Variants in PKHD1 observed in about 807,000 individuals in gnomAD.
The protein encoded by PKHD1 is fibrocystin.
A neutral mutation model predicts 412.0 loss-of-function variants in PKHD1; 291 were observed. That is an observed-to-expected ratio of 0.71 (90% CI 0.64 to 0.78). The LOEUF (loss-of-function observed/expected upper bound fraction) is 0.78, where lower values mean the gene tolerates loss of function less well. PKHD1 is among the 30% of genes least tolerant of loss of function. PKHD1 has a pLI of 0.00. For missense variants in PKHD1, 4,825 were observed against 4,950.7 expected, an observed-to-expected ratio of 0.97 and a Z score of 0.76; for synonymous variants, 1,777 against 1,821.5, an observed-to-expected ratio of 0.98 and a Z score of 0.62.
chr6:51,902,992 G>A (rs1284133085), intron 43 of PKHD1, among the ~76,000 whole-genome samples: 1 of 152,138 alleles, frequency 6.6e-6, no homozygotes, highest in African/African-American at 2.4e-5. Flanking sequence ...TAGTAAGATA[G>A]TGAAGGTTTA....
rs200919098 is a variant in PKHD1 at position 51,754,946 on chromosome 6, A to G, written c.8643-8T>C. On this transcript the variant is annotated splice_region_variant and splice_polypyrimidine_tract_variant and intron_variant, in intron 55 of 66. Transcript: ENST00000371117. ...GCATCTTCTACTATAATTCTGTAACAGCATAACAATGGCATTGGATATACT... is the reference window on the plus strand; with the variant it reads ...GCATCTTCTACTATAATTCTGTAACGGCATAACAATGGCATTGGATATACT... The G allele has an allele frequency of 1.2e-6, 2 of 1,611,952 alleles. No homozygotes were observed. The highest frequency in any genetic ancestry group is 8.5e-7 in the Non-Finnish European group (1 of 1,178,130).
Position 51,820,443 on chromosome 6 carries a change from A to G in PKHD1, c.8302+10418T>C, listed in dbSNP as rs1444066323. Among the ~76,000 whole-genome samples the G allele has an allele frequency of 3.3e-5, 5 of 152,330 alleles. No individual in the cohort carries two copies. In the East Asian group the frequency reaches 9.7e-4, roughly 29 times the overall value. ...TAGCCCTTTTTGGAGAATTTCTGCA[A>G]TAATGACATTGAAACTACGATACCT... is the stretch of plus-strand genomic sequence containing the variant. On this transcript the variant is annotated intron_variant, in intron 52 of 66. Coordinates refer to ENST00000371117, the MANE Select transcript of PKHD1 (RefSeq NM_138694.4).
intron 60 of PKHD1, among the ~76,000 whole-genome samples, chr6:51,722,337 T>C (rs564119076): frequency 1.3e-5 from 2 of 152,314 alleles, no homozygotes; most frequent in South Asian, 2.1e-4. Flanking sequence ...AGGTTCAAGG[T>C]TGCGTCTCAC....
At chr6:51,849,389 T>C (rs1296051227) in intron 49 of PKHD1, among the ~76,000 whole-genome samples, 5 of 152,216 alleles carry the variant, frequency 3.3e-5, no homozygotes, top group Non-Finnish European at 2.9e-5. Flanking sequence ...GAATAATTTA[T>C]AATCCTTTGG....
chr6:51,736,732 G>GT (rs1351217690), intron 60 of PKHD1, among the ~76,000 whole-genome samples: 2 of 151,952 alleles, frequency 1.3e-5, no homozygotes, highest in Non-Finnish European at 2.9e-5. Context: ...TTTTCTAACC[G>GT]TTTCCTCTCT....
At chr6:51,851,262 G>A (rs961010661) in intron 49 of PKHD1, among the ~76,000 whole-genome samples, 3 of 152,156 alleles carry the variant, frequency 2.0e-5, no homozygotes, top group Non-Finnish European at 2.9e-5. Context: ...TGATAATGGT[G>A]GATAAGTTTT....
In PKHD1 at chr6:51,836,426, T is replaced by G; in HGVS notation, c.8151A>C (p.Glu2717Asp). ...CACCTGAAATAGTTGGGGGCATACC[T>G]TCCTTCACCCGGAGAATGACTTGAA... is the stretch of plus-strand genomic sequence containing the variant. ...GQVQVILRVK[E>D]GMPPTISAST... Residue 2717 changes from glutamate to aspartate, a missense_variant, in exon 51 of 67, where the codon GAA (glutamate) becomes GAC (aspartate). Glu to Asp is a conservative substitution (Grantham distance 45). Coordinates refer to ENST00000371117, the MANE Select transcript of PKHD1 (RefSeq NM_138694.4). 6.2e-7 allele frequency: 1 copy of G among 1,612,930 alleles called. No homozygotes were observed. The highest frequency in any genetic ancestry group is 8.5e-7 in the Non-Finnish European group (1 of 1,178,920).
chr6:51,822,227 G>A (rs529386903), intron 52 of PKHD1, among the ~76,000 whole-genome samples: 62 of 152,158 alleles, frequency 4.1e-4, no homozygotes, highest in Non-Finnish European at 8.1e-4. Flanking sequence ...TGAAGACACC[G>A]ATACAATCCA....
chr6:51,862,806 G>A (rs773823516), intron 48 of PKHD1, among the ~76,000 whole-genome samples: 9 of 152,240 alleles, frequency 5.9e-5, no homozygotes, highest in South Asian at 2.1e-4. Flanking sequence ...CAAAGTCAAC[G>A]CCCTGAATGA....
At chr6:51,640,519 A>G (rs1819565) in intron 63 of PKHD1, among the ~76,000 whole-genome samples, 6,514 of 152,238 alleles carry the variant, frequency 0.043, 236 homozygotes, top group African/African-American at 0.093. Context: ...TACAAATGCA[A>G]TTGACAGGCT....
intron 32 of PKHD1, 100 bp downstream of exon 32, chr6:52,024,474 C>T: frequency 8.8e-7 from 1 of 1,142,670 alleles, no homozygotes; most frequent in South Asian, 1.2e-5. Context: ...CTCTTTCCTT[C>T]CATCAGGCAG....
rs1054277273 is a variant in PKHD1, at chr6:51,897,058, G to T, written c.6996+6539C>A. ...CTGATTGGTGTACCTGAAAGTGATG[G>T]GGAGAATGGAACCAAGTTGGAAAAC... On this transcript the variant is annotated intron_variant, in intron 43 of 66. Transcript: ENST00000371117. Among the ~76,000 whole-genome samples, 708 of 151,114 alleles carry T rather than the reference G, an allele frequency of 4.7e-3. 3 individuals are homozygous for T. Among genetic ancestry groups the T allele is most frequent in the African/African-American group, 0.016 (653 of 41,254 alleles).
rs1766111196 is a variant in PKHD1 at position 51,616,859 on chromosome 6, C to T, written c.*2222G>A. ...GAAGGGGCAGAAATAACAGAGCTGG[C>T]AGCTAACTCTTTGTGAAGGGCGAAA... On this transcript the variant is annotated 3_prime_UTR_variant, in exon 67 of 67. Transcript: ENST00000371117. 1 of 391,396 alleles carries T rather than the reference C, an allele frequency of 2.6e-6. No homozygotes were observed. Among genetic ancestry groups the T allele is most frequent in the Middle Eastern group, 6.4e-4 (1 of 1,552 alleles). 24.2% of individuals were successfully genotyped at this position (391,396 alleles called of 1,614,324 possible).
intron 52 of PKHD1, among the ~76,000 whole-genome samples, chr6:51,807,452 A>ATATATAT (rs1274808322): frequency 6.1e-5 from 5 of 82,310 alleles, no homozygotes; most frequent in African/African-American, 3.0e-4. Context: ...AAAAAAAAAA[A>ATATATAT]AAAAAAATAT....
intron 52 of PKHD1, among the ~76,000 whole-genome samples, chr6:51,806,238 C>T (rs912757689): frequency 2.6e-5 from 4 of 152,036 alleles, no homozygotes; most frequent in East Asian, 1.9e-4. Context: ...AAAAAAGAGG[C>T]ATTCTAGTGG....
chr6:51,998,446 A>T (rs543327998), intron 35 of PKHD1, among the ~76,000 whole-genome samples: 1 of 152,366 alleles, frequency 6.6e-6, no homozygotes, highest in Admixed American at 6.5e-5. Context: ...AGTCTAAAAA[A>T]TCAACTAAGT....
chr6:51,691,736 T>C lies in PKHD1; in HGVS notation c.10157-31767A>G, dbSNP rs141533994. 3.1e-3 allele frequency among the ~76,000 whole-genome samples: 467 copies of C among 152,182 alleles called. 6 individuals are homozygous for C. Among genetic ancestry groups the C allele is most frequent in the African/African-American group, 0.011 (450 of 41,514 alleles). Reference sequence around the variant, plus strand: ...GCTTAATACCTGGGTGACAAAATAATCTGTACAACAAACCCCCATGACATA... The same window carrying C: ...GCTTAATACCTGGGTGACAAAATAACCTGTACAACAAACCCCCATGACATA... On this transcript the variant is annotated intron_variant, in intron 60 of 66. Transcript: ENST00000371117.
chr6:51,800,903 G>A (rs1171372695), intron 52 of PKHD1, among the ~76,000 whole-genome samples: 1 of 152,156 alleles, frequency 6.6e-6, no homozygotes, highest in African/African-American at 2.4e-5. Context: ...GACATACAAG[G>A]ACTATTTGTG....
intron 60 of PKHD1, among the ~76,000 whole-genome samples, chr6:51,708,037 T>C (rs755464729): frequency 6.6e-6 from 1 of 152,190 alleles, no homozygotes; most frequent in Non-Finnish European, 1.5e-5. Flanking sequence ...TGACCTGTCA[T>C]GTAAACTTCA....
Sources: allele counts gnomAD v4.1 joint callset (sites outside exome capture counted in the v4.1 genomes callset), GRCh38; gene constraint gnomAD v4.1.1; transcripts MANE v1.5; gene names NCBI Gene and HGNC (gene_info 2026-07-23, HGNC 2026-07-21).